MMP28: variants seen among roughly 807,000 people sequenced by gnomAD.
MMP28 encodes the protein matrix metallopeptidase 28.
A neutral mutation model predicts 60.5 loss-of-function variants in MMP28; 55 were observed. The ratio of observed to expected loss-of-function variants is 0.91; its 90% CI spans 0.73 to 1.14. The LOEUF is 1.14. Among genes scored for constraint, MMP28 ranks in the 50% most tolerant of loss-of-function variants. The probability of loss-of-function intolerance (pLI) is 0.00; values close to 1 mark genes in which losing one functional copy is unlikely to be tolerated. For missense variants in MMP28, 686 were observed against 738.3 expected, an observed-to-expected ratio of 0.93 and a Z score of 0.82; for synonymous variants, 318 against 312.5, an observed-to-expected ratio of 1.02 and a Z score of -0.18.
chr17:35,782,055 T>A (rs1048171669), intron 1 of MMP28, among the ~76,000 whole-genome samples: 4 of 149,032 alleles, frequency 2.7e-5, no homozygotes, highest in Non-Finnish European at 6.0e-5. Context: ...TTCTCTCTTT[T>A]TTTTTTTTTT....
rs756045524 is a variant in MMP28, at chr17:35,773,401, T to C, written c.383A>G (p.Asn128Ser). Residue 128 changes from asparagine to serine, a missense_variant, in exon 4 of 8, where the codon AAC becomes AGC. Transcript: ENST00000605424. ...GGAGAGGTGCTGCTTGTACCATTTGTTACCTGCCACCCAGAAAGCCCACGT... is the reference window on the plus strand; with the variant it reads ...GGAGAGGTGCTGCTTGTACCATTTGCTACCTGCCACCCAGAAAGCCCACGT... ...RRKKRFAKQG[N>S]KWYKQHLSYR... 6.3e-7 allele frequency: 1 copy of C among 1,589,510 alleles called. No individual in the cohort carries two copies. The highest frequency in any genetic ancestry group is 8.6e-7 in the Non-Finnish European group (1 of 1,167,696).
At chr17:35,768,846 T>C (rs2086029767) in intron 5 of MMP28, among the ~76,000 whole-genome samples, 1 of 151,866 alleles carries the variant, frequency 6.6e-6, no homozygotes, top group South Asian at 2.1e-4. Flanking sequence ...TGGTTGTTGG[T>C]GCTAACCATC....
At position 35,766,103 on chromosome 17, in the gene MMP28, GCA is replaced by G; in HGVS notation, c.*395_*396del. The G allele has an allele frequency of 2.0e-6, 2 of 1,004,218 alleles. No individual in the cohort carries two copies. The highest frequency in any genetic ancestry group is 5.0e-4 in the Middle Eastern group (1 of 1,996). 62.2% of individuals were successfully genotyped at this position (1,004,218 alleles called of 1,614,324 possible). On this transcript the variant is annotated 3_prime_UTR_variant, in exon 8 of 8. Transcript: ENST00000605424. This position sits in a 1 kb window ranked among gnomAD's most constrained non-coding sequence, Gnocchi z 4.3. ...GAGCCAGGGGGTCCTGAGGAGAAGG[GCA>G]CAGTCTTGCAAAATGGTCTCGAATT...
Position 35,778,833 on chromosome 17 carries a change from A to G in MMP28, c.379+55T>C, listed in dbSNP as rs376337890. 8 of 1,613,760 alleles carry G rather than the reference A, an allele frequency of 5.0e-6. No homozygotes were observed. The African/African-American group carries it at 1.1e-4, about 22-fold the overall frequency. ...CCCAGGCTCAGCTGTTTTCCTAGCC[A>G]TTGGCTTCAAGACATTGGGAAATCT... On this transcript the variant is annotated intron_variant, in intron 3 of 7. Transcript: ENST00000605424.
At chr17:35,778,650 T>C in intron 3 of MMP28, 1 of 965,800 alleles carries the variant, frequency 1.0e-6, no homozygotes, top group Non-Finnish European at 1.5e-6. Flanking sequence ...GGGTTTTGTG[T>C]TTGATCTGGA....
downstream of MMP28, chr17:35,764,550 G>A: frequency 6.3e-7 from 1 of 1,596,610 alleles, no homozygotes; most frequent in Non-Finnish European, 8.5e-7. Flanking sequence ...CAGCCACCCA[G>A]CCTATGTGGC....
At chr17:35,760,880 T>C, downstream of MMP28, 1 of 1,605,834 alleles carries the variant, frequency 6.2e-7, no homozygotes, top group South Asian at 1.1e-5. Context: ...TTCTATGGGT[T>C]CTGGGCACCC....
At chr17:35,771,973 A>G (rs1287330925) in intron 4 of MMP28, among the ~76,000 whole-genome samples, 1 of 151,668 alleles carries the variant, frequency 6.6e-6, no homozygotes, top group Non-Finnish European at 1.5e-5. Flanking sequence ...AGAAAACTGC[A>G]CTATGATAAA....
At chr17:35,763,549 G>A (rs1016878540), downstream of MMP28, among the ~76,000 whole-genome samples, 3 of 147,940 alleles carry the variant, frequency 2.0e-5, no homozygotes, top group Non-Finnish European at 4.4e-5. Flanking sequence ...ACCTCCCAAA[G>A]TGCTGAGATT....
intron 3 of MMP28, among the ~76,000 whole-genome samples, chr17:35,776,194 C>CA (rs2086324534): frequency 6.7e-6 from 1 of 148,620 alleles, no homozygotes; most frequent in East Asian, 2.0e-4. Context: ...TTTTTTGAGA[C>CA]AGAGTCTCAC....
At chr17:35,784,251 C>T (rs1555610002) in intron 1 of MMP28, among the ~76,000 whole-genome samples, 1 of 147,458 alleles carries the variant, frequency 6.8e-6, no homozygotes, top group Non-Finnish European at 1.5e-5. Context: ...CACTGCACTC[C>T]AGCCTGGGCA....
At chr17:35,759,844 C>T (rs1228514361) in intron 2 of MMP28, among the ~76,000 whole-genome samples, 1 of 152,180 alleles carries the variant, frequency 6.6e-6, no homozygotes. Flanking sequence ...CTGAGGCAAA[C>T]AGGCCAAAGT....
intron 4 of MMP28, 139 bp from the exon 5 acceptor site, chr17:35,770,451 A>C: frequency 8.6e-7 from 1 of 1,157,658 alleles, no homozygotes. Flanking sequence ...GCAGAACCTG[A>C]AGTGTGCAGA....
At chr17:35,795,022 G>A (rs1309762999) in intron 1 of MMP28, among the ~76,000 whole-genome samples, 1 of 152,232 alleles carries the variant, frequency 6.6e-6, no homozygotes, top group Non-Finnish European at 1.5e-5. Context: ...GCTCTTGCCC[G>A]TCTGTCCGGT....
In MMP28 at chr17:35,767,834, C is replaced by T. The variant is rs200279831; in HGVS notation, c.1086G>A (p.Leu362=). Residue 362 remains leucine, a synonymous_variant, in exon 7 of 8, where the codon CTG becomes CTA. Coordinates refer to ENST00000605424, the MANE Select transcript of MMP28 (RefSeq NM_024302.5). ...GGGGCAGCCCGACCCATCTTTCCTG[C>T]AGTGGACGGGGCTCTGAGACGTTGC... ...ADGNVSEPRP[L]QERWVGLPPN... 520 of 1,612,160 alleles carry T rather than the reference C, an allele frequency of 3.2e-4. 4 individuals are homozygous for T. In the South Asian group the frequency reaches 3.3e-3, roughly 10 times the overall value.
At chr17:35,793,448 T>C (rs1420612947) in intron 1 of MMP28, among the ~76,000 whole-genome samples, 1 of 151,800 alleles carries the variant, frequency 6.6e-6, no homozygotes, top group Non-Finnish European at 1.5e-5. Context: ...GTTGTAAGAG[T>C]CTCAATTCAG....
At chr17:35,760,503 A>C (rs141881120) in intron 2 of MMP28, among the ~76,000 whole-genome samples, 162 of 152,338 alleles carry the variant, frequency 1.1e-3, no homozygotes, top group African/African-American at 3.5e-3. Flanking sequence ...AGGAAGACAG[A>C]ATATAATGAT....
rs1555608371 is a variant in MMP28 at position 35,778,963 on chromosome 17, A to G, written c.304T>C (p.Trp102Arg). 1 of 1,614,064 alleles carries G rather than the reference A, an allele frequency of 6.2e-7. No homozygotes were observed. Among genetic ancestry groups the G allele is most frequent in the Admixed American group, 1.7e-5 (1 of 60,032 alleles). The change falls in exon 3 of 8, where the codon TGG (tryptophan) becomes CGG (arginine). Residue 102 changes from tryptophan (W) to arginine (R), a missense_variant. Physicochemically the swap from Trp to Arg is moderately radical, Grantham distance 101. Coordinates refer to ENST00000605424, the MANE Select transcript of MMP28 (RefSeq NM_024302.5). ...GVTDTNSYAA[W>R]AERISDLFAR... ...AACAAGTCACTGATCCTCTCAGCCC[A>G]GGCCGCATAACTGTTGGTATCTGTA...
chr17:35,771,696 AATATATATATATATATATAT>A (rs71366482), intron 4 of MMP28, among the ~76,000 whole-genome samples: 1,748 of 50,560 alleles, frequency 0.035, 73 homozygotes, highest in Admixed American at 0.053. Flanking sequence ...TATAGAAGTG[AATATATATATATATATATAT>A]ATATATATAT....
Sources: gnomAD v4.1 joint callset for allele counts (sites outside exome capture counted in the v4.1 genomes callset) on GRCh38, gnomAD v4.1.1 for gene constraint, Gnocchi (gnomAD v3.1) non-coding constraint, MANE v1.5 for transcripts, NCBI Gene and HGNC (gene_info 2026-07-23, HGNC 2026-07-21) for gene names.